SCAPER: variants seen among roughly 807,000 people sequenced by gnomAD.
SCAPER encodes S-phase cyclin A associated protein in the ER.
A neutral mutation model predicts 182.2 loss-of-function variants in SCAPER; 98 were observed. The observed-to-expected ratio is 0.54, with a 90% CI of 0.46 to 0.64. SCAPER has a LOEUF of 0.64. SCAPER is among the 30% of genes least tolerant of loss of function. The pLI, the probability that SCAPER is intolerant of heterozygous loss-of-function variation, is 0.00. For synonymous variants in SCAPER, 605 were observed against 564.6 expected (o/e 1.07, Z -1.01); for missense variants, 1,432 against 1,690.0 (o/e 0.85, Z 2.68).
chr15:76,709,714 A>AT (rs2059460548), intron 17 of SCAPER, among the ~76,000 whole-genome samples: 1 of 152,342 alleles, frequency 6.6e-6, no homozygotes, highest in South Asian at 2.1e-4. Context: ...CAGAATTGCC[A>AT]TAACACAAAA....
At chr15:76,729,893 C>T (rs901487896) in intron 16 of SCAPER, among the ~76,000 whole-genome samples, 2 of 152,020 alleles carry the variant, frequency 1.3e-5, no homozygotes, top group Non-Finnish European at 2.9e-5. Flanking sequence ...ATATGTTTCT[C>T]TGAATCCATA....
At chr15:76,698,837 T>C (rs1467143944) in intron 20 of SCAPER, among the ~76,000 whole-genome samples, 1 of 152,262 alleles carries the variant, frequency 6.6e-6, no homozygotes, top group Admixed American at 6.5e-5. Flanking sequence ...GCATTGAATC[T>C]GCAAATTGCT....
At chr15:76,652,213 T>G (rs577922319) in intron 21 of SCAPER, among the ~76,000 whole-genome samples, 1 of 126,776 alleles carries the variant, frequency 7.9e-6, no homozygotes, top group South Asian at 2.7e-4. Context: ...AGGTCATGAG[T>G]TCGAGACCAG....
chr15:76,697,363 C>A (rs985939637), intron 20 of SCAPER, among the ~76,000 whole-genome samples: 1 of 152,064 alleles, frequency 6.6e-6, no homozygotes, highest in African/African-American at 2.4e-5. Flanking sequence ...AATTTAATTC[C>A]TTCAAACTGA....
At chr15:76,801,698 T>C (rs142835599) in intron 6 of SCAPER, among the ~76,000 whole-genome samples, 100 of 152,202 alleles carry the variant, frequency 6.6e-4, no homozygotes, top group African/African-American at 2.2e-3. Flanking sequence ...GGAGGGCAGA[T>C]CACTCGAGGT....
At position 76,800,308 on chromosome 15, in the gene SCAPER, G is replaced by A; in HGVS notation, c.551C>T (p.Pro184Leu). Residue 184 changes from proline to leucine, a missense_variant, in exon 7 of 32, where the codon CCA becomes CTA. Physicochemically the swap from Pro to Leu is moderately conservative, Grantham distance 98. Transcript: ENST00000563290. ...KKMSPGRHVI[P>L]SPSTDRINVT... ...ATTTATTCTATCTGTTGATGGACTT[G>A]GAATCACATGGCGTCCCGGAGACAT... 6.2e-7 allele frequency: 1 copy of A among 1,613,348 alleles called. No homozygotes were observed. Among genetic ancestry groups the A allele is most frequent in the Non-Finnish European group, 8.5e-7 (1 of 1,179,662 alleles).
chr15:76,433,528 A>G (rs2047000752), intron 26 of SCAPER, among the ~76,000 whole-genome samples: 1 of 152,096 alleles, frequency 6.6e-6, no homozygotes, highest in Non-Finnish European at 1.5e-5. Flanking sequence ...CAAAAAAACA[A>G]CCAAGAATGA....
chr15:76,703,145 C>T (rs779664953), intron 18 of SCAPER, 143 bp from the exon 19 acceptor site: 10 of 846,166 alleles, frequency 1.2e-5, no homozygotes, highest in Non-Finnish European at 1.7e-5. Context: ...CAAAGCTTTA[C>T]ACAAAGCCCT....
At chr15:76,852,460 T>C (rs1243019470) in intron 4 of SCAPER, among the ~76,000 whole-genome samples, 1 of 152,052 alleles carries the variant, frequency 6.6e-6, no homozygotes, top group African/African-American at 2.4e-5. Flanking sequence ...CCTCAGCAAA[T>C]GCAAAAAGAA....
intron 20 of SCAPER, among the ~76,000 whole-genome samples, chr15:76,688,248 T>C (rs1319609156): frequency 1.3e-5 from 2 of 152,240 alleles, no homozygotes; most frequent in Admixed American, 1.3e-4. Flanking sequence ...TTTTGAGAAG[T>C]GTCTGTTCAT....
rs913752806 is a variant in SCAPER at position 76,460,128 on chromosome 15, A to G, written c.3078+11084T>C. On this transcript the variant is annotated intron_variant, in intron 25 of 31. Transcript: ENST00000563290. ...TATGAAAAATGAAATTGGTGTTTTG[A>G]TAGGGATTGCACTAAATCTGTAGGT... is the stretch of plus-strand genomic sequence containing the variant. Among the ~76,000 whole-genome samples, 7 of 151,790 alleles carry G rather than the reference A, an allele frequency of 4.6e-5. No individual in the cohort carries two copies. The South Asian group carries it at 1.5e-3, about 32-fold the overall frequency.
At chr15:76,436,629 T>C (rs937325070) in intron 25 of SCAPER, among the ~76,000 whole-genome samples, 9 of 152,292 alleles carry the variant, frequency 5.9e-5, no homozygotes, top group African/African-American at 2.2e-4. Context: ...AAAGATTTTT[T>C]TTTTGTTTCT....
chr15:76,365,220 T>A (rs184809927), intron 29 of SCAPER, among the ~76,000 whole-genome samples: 1 of 152,308 alleles, frequency 6.6e-6, no homozygotes, highest in Admixed American at 6.5e-5. Flanking sequence ...CATTTCTGCA[T>A]CTCCTAGCAC....
chr15:76,416,548 T>C (rs2045663870), intron 26 of SCAPER, among the ~76,000 whole-genome samples: 1 of 151,950 alleles, frequency 6.6e-6, no homozygotes, highest in Non-Finnish European at 1.5e-5. Flanking sequence ...TTAAAAAGAA[T>C]GATGATACCC....
At chr15:76,567,362 T>G (rs1228092361) in intron 23 of SCAPER, 1 of 454,596 alleles carries the variant, frequency 2.2e-6, no homozygotes, top group East Asian at 7.0e-5. Context: ...TTTGTGTATA[T>G]CTTGCCTGGT....
intron 5 of SCAPER, among the ~76,000 whole-genome samples, chr15:76,813,064 C>T (rs2066762241): frequency 6.6e-6 from 1 of 150,984 alleles, no homozygotes; most frequent in Non-Finnish European, 1.5e-5. Context: ...GATAATATAC[C>T]ATAACCAAGT....
At chr15:76,486,105 G>A (rs530311948) in intron 24 of SCAPER, among the ~76,000 whole-genome samples, 2 of 152,226 alleles carry the variant, frequency 1.3e-5, no homozygotes, top group African/African-American at 4.8e-5. Context: ...TACTTGTGAG[G>A]CTGAGGCAGG....
intron 3 of SCAPER, 87 bp from the exon 4 acceptor site, chr15:76,857,966 C>CTAATTG (rs2071548850): frequency 9.8e-6 from 9 of 916,098 alleles, no homozygotes; most frequent in Admixed American, 4.6e-5. Flanking sequence ...ATAATGTAAA[C>CTAATTG]CTAAACTACG....
chr15:76,609,578 T>C (rs2050791918), intron 22 of SCAPER, among the ~76,000 whole-genome samples: 1 of 152,250 alleles, frequency 6.6e-6, no homozygotes, highest in South Asian at 2.1e-4. Flanking sequence ...TGCCCTAGCA[T>C]ACTATTCATA....
Sources: gnomAD v4.1 joint callset for allele counts (sites outside exome capture counted in the v4.1 genomes callset) on GRCh38, gnomAD v4.1.1 for gene constraint, MANE v1.5 for transcripts, NCBI Gene and HGNC (gene_info 2026-07-23, HGNC 2026-07-21) for gene names.